CGNL1: variants seen among roughly 807,000 people sequenced by gnomAD.
CGNL1 encodes cingulin like 1.
In CGNL1, 132 loss-of-function variants were observed where a neutral mutation model predicts 141.2. That is an observed-to-expected ratio of 0.93 (90% CI 0.81 to 1.08). The LOEUF (loss-of-function observed/expected upper bound fraction) is 1.08. CGNL1 is among the 50% of genes least tolerant of loss of function. CGNL1 has a pLI of 0.00. For synonymous variants in CGNL1, 690 were observed against 622.1 expected, an observed-to-expected ratio of 1.11 and a Z score of -1.63; for missense variants, 1,870 against 1,588.6, an observed-to-expected ratio of 1.18 and a Z score of -3.01.
Position 57,439,202 on chromosome 15 carries a change from G to A in CGNL1, c.1203G>A (p.Ser401=), listed in dbSNP as rs1378840961. Residue 401 remains serine (S), a synonymous_variant, in exon 2 of 19, where the codon TCG becomes TCA. Coordinates refer to ENST00000281282, the MANE Select transcript of CGNL1 (RefSeq NM_032866.5). ...TTCCTTTTGGCCTCCAAGGGAACTC[G>A]GAGTACCTGATTGAATTCAGTAGGA... The part of the protein sequence containing the change: ...SAFPFGLQGN[S]EYLIEFSRNL... 6.2e-7 allele frequency: 1 copy of A among 1,614,150 alleles called. No individual in the cohort carries two copies. Among genetic ancestry groups the A allele is most frequent in the Non-Finnish European group, 8.5e-7 (1 of 1,180,014 alleles).
rs1473386926 is a variant in CGNL1, at chr15:57,550,526, TG to T, written c.*3038del. 6.6e-6 allele frequency: 1 copy of T among 152,668 alleles called. No individual in the cohort carries two copies. The highest frequency in any genetic ancestry group is 1.5e-5 in the Non-Finnish European group (1 of 68,040). 9.5% of individuals were successfully genotyped at this position (152,668 alleles called of 1,614,324 possible). ...AGAGACAATCATCCTGTATCTTTTATGGTTTTTCCTGCTTCTGAGTGTCGTT... is the reference window on the plus strand; with the variant it reads ...AGAGACAATCATCCTGTATCTTTTATGTTTTTCCTGCTTCTGAGTGTCGTT... On this transcript the variant is annotated 3_prime_UTR_variant, in exon 19 of 19. Transcript: ENST00000281282.
chr15:57,406,355 C>T (rs1253717335), intron 1 of CGNL1, among the ~76,000 whole-genome samples: 1 of 151,970 alleles, frequency 6.6e-6, no homozygotes, highest in African/African-American at 2.4e-5. Context: ...AAGGAGGCCA[C>T]AGTAGCTAGA....
At chr15:57,433,978 C>T (rs1291651821) in intron 1 of CGNL1, among the ~76,000 whole-genome samples, 1 of 131,950 alleles carries the variant, frequency 7.6e-6, no homozygotes, top group Non-Finnish European at 1.7e-5. Flanking sequence ...CTTCTCCACA[C>T]TTGCAGAGCC....
At chr15:57,490,801 C>T (rs1046692166) in intron 8 of CGNL1, among the ~76,000 whole-genome samples, 4 of 152,106 alleles carry the variant, frequency 2.6e-5, no homozygotes, top group Non-Finnish European at 5.9e-5. Context: ...ATAAACATTA[C>T]GTCAGCCACG....
intron 14 of CGNL1, among the ~76,000 whole-genome samples, chr15:57,535,929 A>G (rs879518420): frequency 3.9e-5 from 6 of 152,114 alleles, no homozygotes; most frequent in Non-Finnish European, 8.8e-5. Flanking sequence ...TACATTTGGC[A>G]CTCACTAAAT....
Position 57,544,353 on chromosome 15 carries a change from G to A in CGNL1, c.3376-120G>A, listed in dbSNP as rs1201006050. 2.0e-5 allele frequency: 25 copies of A among 1,261,516 alleles called. No individual in the cohort carries two copies. The South Asian group carries it at 3.5e-4, about 18-fold the overall frequency. 78.1% of individuals were successfully genotyped at this position (1,261,516 alleles called of 1,614,324 possible). On this transcript the variant is annotated intron_variant, in intron 15 of 18. Coordinates refer to ENST00000281282, the MANE Select transcript of CGNL1 (RefSeq NM_032866.5). ...AGGTCTCCAGGCCACAGGCCCTGGT[G>A]TGGAAAGCAGCCTCATCGCATGCAG...
intron 14 of CGNL1, among the ~76,000 whole-genome samples, chr15:57,543,145 T>C (rs547870817): frequency 6.6e-6 from 1 of 152,272 alleles, no homozygotes; most frequent in East Asian, 1.9e-4. Flanking sequence ...ATTCCTTGCC[T>C]CCTCCTAGCT....
At chr15:57,448,069 G>C (rs2063278751) in intron 4 of CGNL1, among the ~76,000 whole-genome samples, 1 of 152,068 alleles carries the variant, frequency 6.6e-6, no homozygotes, top group Admixed American at 6.5e-5. Flanking sequence ...GAGTTTGGGA[G>C]GCCGAGGTGG....
chr15:57,454,174 C>A (rs1280860525), intron 7 of CGNL1, among the ~76,000 whole-genome samples: 1 of 151,942 alleles, frequency 6.6e-6, no homozygotes, highest in African/African-American at 2.4e-5. Flanking sequence ...ATCTCTGCAC[C>A]CATTTAGGTG....
At chr15:57,381,630 G>A (rs1280520580) in intron 1 of CGNL1, among the ~76,000 whole-genome samples, 4 of 152,154 alleles carry the variant, frequency 2.6e-5, no homozygotes, top group Non-Finnish European at 4.4e-5. Flanking sequence ...TGAATACAAA[G>A]CTAAGTTCTC....
At chr15:57,533,450 T>C (rs916048893) in intron 14 of CGNL1, among the ~76,000 whole-genome samples, 1 of 152,158 alleles carries the variant, frequency 6.6e-6, no homozygotes, top group Non-Finnish European at 1.5e-5. Context: ...AGTAGCGACG[T>C]TCCCCCCAGA....
chr15:57,508,567 G>A (rs1346555349), intron 8 of CGNL1, among the ~76,000 whole-genome samples: 9 of 152,238 alleles, frequency 5.9e-5, no homozygotes, highest in African/African-American at 1.7e-4. Flanking sequence ...GCAAGAGCTT[G>A]CAGAAGGAAG....
intron 9 of CGNL1, among the ~76,000 whole-genome samples, chr15:57,517,550 T>C (rs1456082220): frequency 6.6e-6 from 1 of 152,054 alleles, no homozygotes; most frequent in Non-Finnish European, 1.5e-5. Context: ...CACCCTGGGG[T>C]AATTAAGGAA....
chr15:57,437,409 G>A (rs570100646), intron 1 of CGNL1, among the ~76,000 whole-genome samples: 12 of 152,140 alleles, frequency 7.9e-5, no homozygotes, highest in Admixed American at 7.9e-4. Context: ...TAGTGTTAAA[G>A]ATTTTGCAGC....
chr15:57,518,131 C>A (rs1367091785), intron 9 of CGNL1, among the ~76,000 whole-genome samples: 2 of 150,402 alleles, frequency 1.3e-5, no homozygotes, highest in Admixed American at 1.3e-4. Flanking sequence ...TATAGTGAGA[C>A]CCTGTCTCTA....
At chr15:57,505,328 T>C (rs935896604) in intron 8 of CGNL1, among the ~76,000 whole-genome samples, 1 of 152,228 alleles carries the variant, frequency 6.6e-6, no homozygotes, top group East Asian at 1.9e-4. Flanking sequence ...AACGCCACCC[T>C]GTTTTTAAGA....
At chr15:57,421,649 G>C (rs2062916354) in intron 1 of CGNL1, among the ~76,000 whole-genome samples, 1 of 152,256 alleles carries the variant, frequency 6.6e-6, no homozygotes, top group South Asian at 2.1e-4. Flanking sequence ...GCCTGCTTTA[G>C]AGCAGGAGAG....
chr15:57,395,383 A>G (rs2062591357), intron 1 of CGNL1, among the ~76,000 whole-genome samples: 2 of 152,200 alleles, frequency 1.3e-5, no homozygotes. Context: ...AATAATCCCA[A>G]TGTGTGACTC....
chr15:57,531,608 A>T, intron 13 of CGNL1, 82 bp from the exon 14 acceptor site: 1 of 868,466 alleles, frequency 1.2e-6, no homozygotes, highest in Non-Finnish European at 2.0e-6. Flanking sequence ...TGCCCTTAGG[A>T]TTGTTTCTCT....
Sources: gnomAD v4.1 joint callset for allele counts (sites outside exome capture counted in the v4.1 genomes callset) on GRCh38, gnomAD v4.1.1 for gene constraint, MANE v1.5 for transcripts, NCBI Gene and HGNC (gene_info 2026-07-23, HGNC 2026-07-21) for gene names.